Variants in USH2A observed in about 807,000 individuals in gnomAD.
USH2A encodes the protein usherin, also known as Usher syndrome 2A (autosomal recessive, mild).
USH2A carries 443 observed loss-of-function variants against 538.9 expected under a neutral mutation model. The observed-to-expected ratio is 0.82, with a 90% confidence interval of 0.76 to 0.89. The LOEUF is 0.89. Among genes scored for constraint, USH2A ranks in the 40% least tolerant of loss-of-function variants. USH2A has a pLI of 0.00. For synonymous variants in USH2A, 2,413 were observed against 2,273.5 expected, an observed-to-expected ratio of 1.06 and a Z score of -1.75; for missense variants, 6,633 against 6,324.8, an observed-to-expected ratio of 1.05 and a Z score of -1.65.
At chr1:216,198,141 T>G (rs2102463389) in intron 18 of USH2A, among the ~76,000 whole-genome samples, 174 bp downstream of exon 18, 1 of 152,304 alleles carries the variant, frequency 6.6e-6, no homozygotes, top group African/African-American at 2.4e-5. Context: ...GCAAGTACTT[T>G]ATGACCTTGA....
chr1:216,174,446 G>T, intron 21 of USH2A: 2 of 985,358 alleles, frequency 2.0e-6, no homozygotes, highest in East Asian at 1.1e-4. Context: ...TGCGGTACTA[G>T]TAAGGCCAGG....
chr1:215,790,362 A>C lies in USH2A; in HGVS notation c.9959-80T>G, dbSNP rs1661948293. The C allele has an allele frequency of 5.9e-6, 9 of 1,517,432 alleles. No homozygotes were observed. In the South Asian group the frequency reaches 8.0e-5, roughly 13 times the overall value. The allele number at this position is 1,517,432 out of a possible 1,614,324, so 94.0% of individuals were successfully genotyped here. ...GAGGCTGCTATAAAGTTTGGTATAA[A>C]AATGTCAGGCTCAGGCAGTTGCTGA... On this transcript the variant is annotated intron_variant, in intron 50 of 71. Coordinates refer to ENST00000307340, the MANE Select transcript of USH2A (RefSeq NM_206933.4).
intron 57 of USH2A, among the ~76,000 whole-genome samples, chr1:215,759,139 T>C (rs1660900348): frequency 6.6e-6 from 1 of 152,188 alleles, no homozygotes; most frequent in South Asian, 2.1e-4. Flanking sequence ...TACAATAAAA[T>C]GAAATTGATC....
chr1:216,070,593 G>T (rs929339166), intron 29 of USH2A, among the ~76,000 whole-genome samples: 5 of 151,998 alleles, frequency 3.3e-5, no homozygotes, highest in East Asian at 3.9e-4. Flanking sequence ...AAAGAAGGAG[G>T]TGGATGGTAG....
At chr1:215,685,332 GTT>G (rs10716020) in intron 61 of USH2A, among the ~76,000 whole-genome samples, 50 of 145,068 alleles carry the variant, frequency 3.4e-4, no homozygotes, top group East Asian at 1.2e-3. Context: ...ATTCAAATCA[GTT>G]TTTTTTTTTT....
intron 24 of USH2A, 32 bp downstream of exon 24, chr1:216,086,687 T>G: frequency 6.7e-7 from 1 of 1,482,188 alleles, no homozygotes; most frequent in Non-Finnish European, 9.4e-7. Context: ...TAAGTTTGGA[T>G]GACAACATAT....
chr1:216,015,987 T>C (rs1188264887), intron 32 of USH2A, among the ~76,000 whole-genome samples: 2 of 152,168 alleles, frequency 1.3e-5, no homozygotes, highest in Non-Finnish European at 2.9e-5. Context: ...ATTTGGTACA[T>C]ATACACCATG....
At chr1:216,227,848 T>C (rs575780657) in intron 14 of USH2A, among the ~76,000 whole-genome samples, 1 of 152,262 alleles carries the variant, frequency 6.6e-6, no homozygotes, top group Admixed American at 6.5e-5. Context: ...ATGGTAGTGC[T>C]TCAGATCAGC....
chr1:216,251,147 G>A, intron 11 of USH2A, 49 bp from the exon 12 acceptor site: 3 of 1,598,890 alleles, frequency 1.9e-6, no homozygotes, highest in Non-Finnish European at 2.6e-6. Flanking sequence ...TCTATTTTTA[G>A]ATAATTTGCT....
chr1:215,789,913 TC>T, intron 51 of USH2A, 145 bp downstream of exon 51: 1 of 722,494 alleles, frequency 1.4e-6, no homozygotes, highest in South Asian at 1.7e-5. Context: ...CATAGCGAAC[TC>T]ATTCGGTATT....
rs777318167 is a variant in USH2A at position 215,674,524 on chromosome 1, T to G, written c.13387A>C (p.Thr4463Pro). Residue 4463 changes from threonine (T) to proline (P), a missense_variant, in exon 63 of 72, where the codon ACC (threonine) becomes CCC (proline). Transcript: ENST00000307340. ...TTTGGGTTTCTTGGAGGTTTCCAGG[T>G]GATTTCTATTGATTCTGAGCCTGTG... is the stretch of plus-strand genomic sequence containing the variant. ...QVTGSESIEI[T>P]WKPPRNPNGQ... 1 of 1,614,136 alleles carries G rather than the reference T, an allele frequency of 6.2e-7. No individual in the cohort carries two copies. The highest frequency in any genetic ancestry group is 2.2e-5 in the East Asian group (1 of 44,868).
At chr1:215,734,426 C>G (rs1158474071) in intron 60 of USH2A, among the ~76,000 whole-genome samples, 1 of 152,096 alleles carries the variant, frequency 6.6e-6, no homozygotes, top group Non-Finnish European at 1.5e-5. Flanking sequence ...AGGCCTTTTC[C>G]CTATTATCTT....
chr1:215,737,760 T>C (rs1012164556), intron 60 of USH2A, among the ~76,000 whole-genome samples: 1 of 152,062 alleles, frequency 6.6e-6, no homozygotes, highest in African/African-American at 2.4e-5. Context: ...TCAAAATTCC[T>C]TTGCCTTTGA....
At chr1:216,003,848 T>C (rs145690377) in intron 32 of USH2A, among the ~76,000 whole-genome samples, 2,064 of 152,252 alleles carry the variant, frequency 0.014, 48 homozygotes, top group African/African-American at 0.047. Flanking sequence ...CTGCCAGACG[T>C]ATAGATGGTA....
chr1:215,902,510 T>G (rs1665528861), intron 38 of USH2A, among the ~76,000 whole-genome samples: 1 of 152,136 alleles, frequency 6.6e-6, no homozygotes, highest in Non-Finnish European at 1.5e-5. Flanking sequence ...CTAGGTAGCT[T>G]ACATTCAAGT....
chr1:215,975,819 T>G (rs550188163), intron 35 of USH2A, among the ~76,000 whole-genome samples: 1 of 152,192 alleles, frequency 6.6e-6, no homozygotes, highest in Non-Finnish European at 1.5e-5. Flanking sequence ...GGGTTCCATA[T>G]GAATTTTAGA....
chr1:216,051,906 A>C (rs6656753), intron 30 of USH2A, among the ~76,000 whole-genome samples: 100,004 of 152,030 alleles, frequency 0.66, 34,440 homozygotes, highest in African/African-American at 0.87. Flanking sequence ...AACTAGAGTG[A>C]AATGTTGAAA....
chr1:215,652,504 G>A (rs1657114771), intron 64 of USH2A, among the ~76,000 whole-genome samples: 1 of 152,186 alleles, frequency 6.6e-6, no homozygotes, highest in African/African-American at 2.4e-5. Context: ...CTAGCAATGG[G>A]AGAGCCAGAT....
intron 64 of USH2A, among the ~76,000 whole-genome samples, chr1:215,651,818 A>G (rs1385240641): frequency 1.3e-5 from 2 of 152,242 alleles, no homozygotes; most frequent in African/African-American, 4.8e-5. Context: ...AAGAAACATT[A>G]GACAGATTTT....
Sources: gnomAD v4.1 joint callset for allele counts (sites outside exome capture counted in the v4.1 genomes callset) on GRCh38, gnomAD v4.1.1 for gene constraint, MANE v1.5 for transcripts, NCBI Gene and HGNC (gene_info 2026-07-23, HGNC 2026-07-21) for gene names.